Variants in FHIT observed in about 807,000 individuals in gnomAD.
The protein encoded by FHIT is bis(5'-adenosyl)-triphosphatase.
In FHIT, 19 loss-of-function variants were observed where a neutral mutation model predicts 17.9. The observed-to-expected ratio is 1.06, with a 90% CI of 0.74 to 1.56. The LOEUF (loss-of-function observed/expected upper bound fraction) is 1.56. Among genes scored for constraint, FHIT ranks in the 40% most tolerant of loss-of-function variants. The pLI is 0.00. For synonymous variants in FHIT, 81 were observed against 69.7 expected (o/e 1.16, Z -0.81); for missense variants, 248 against 189.2 (o/e 1.31, Z -1.82).
chr3:61,234,920 C>T (rs923009744), intron 1 of FHIT, among the ~76,000 whole-genome samples: 1 of 152,154 alleles, frequency 6.6e-6, no homozygotes, highest in African/African-American at 2.4e-5. Context: ...AATAAATTTG[C>T]ATTGTATAAA....
chr3:60,004,877 T>C (rs1041994678), intron 7 of FHIT, among the ~76,000 whole-genome samples: 2 of 152,226 alleles, frequency 1.3e-5, no homozygotes, highest in African/African-American at 2.4e-5. Context: ...GACTTTACTA[T>C]GTGCCAGGCA....
intron 5 of FHIT, among the ~76,000 whole-genome samples, chr3:60,090,799 G>A (rs1197203101): frequency 1.3e-5 from 2 of 152,302 alleles, no homozygotes; most frequent in South Asian, 2.1e-4. Context: ...GGAGACAAGT[G>A]TTACTACTTC....
chr3:61,121,408 T>C (rs569374475), intron 2 of FHIT, among the ~76,000 whole-genome samples: 1 of 152,294 alleles, frequency 6.6e-6, no homozygotes, highest in East Asian at 1.9e-4. Flanking sequence ...GCAGAAACCC[T>C]ACAAGCCAGA....
At chr3:60,936,995 A>G (rs531268980) in intron 3 of FHIT, among the ~76,000 whole-genome samples, 1 of 58,980 alleles carries the variant, frequency 1.7e-5, no homozygotes, top group South Asian at 1.3e-3. Context: ...TGTAATCAAC[A>G]CTTTGTGAGC....
intron 2 of FHIT, among the ~76,000 whole-genome samples, chr3:61,043,178 G>A (rs973364050): frequency 1.1e-4 from 17 of 152,284 alleles, no homozygotes; most frequent in African/African-American, 4.1e-4. Flanking sequence ...GGCAGTGCAA[G>A]GGGTCAGGGA....
At chr3:60,083,697 T>G (rs976605676) in intron 5 of FHIT, among the ~76,000 whole-genome samples, 2 of 152,204 alleles carry the variant, frequency 1.3e-5, no homozygotes, top group Admixed American at 6.5e-5. Context: ...CTTTTCAGTA[T>G]GTATGGCCTC....
At chr3:60,276,624 C>A (rs941494502) in intron 5 of FHIT, among the ~76,000 whole-genome samples, 4 of 152,256 alleles carry the variant, frequency 2.6e-5, no homozygotes, top group African/African-American at 7.2e-5. Context: ...AGTCTCTTTG[C>A]ATTACTCTAA....
chr3:60,136,716 G>A (rs1399183351), intron 5 of FHIT, among the ~76,000 whole-genome samples: 2 of 152,212 alleles, frequency 1.3e-5, no homozygotes, highest in East Asian at 1.9e-4. Context: ...TGTTAAGACC[G>A]CACATTGCAT....
At chr3:60,196,738 C>T (rs1207405666) in intron 5 of FHIT, among the ~76,000 whole-genome samples, 3 of 151,782 alleles carry the variant, frequency 2.0e-5, no homozygotes, top group African/African-American at 7.3e-5. Flanking sequence ...ATATATTACA[C>T]ATATATACAT....
chr3:60,245,666 C>T (rs1019781567), intron 5 of FHIT, among the ~76,000 whole-genome samples: 6 of 152,000 alleles, frequency 3.9e-5, no homozygotes, highest in African/African-American at 1.4e-4. Flanking sequence ...ATATGATATT[C>T]CCAGCCCTTG....
At chr3:60,397,246 G>A (rs1701481066) in intron 5 of FHIT, among the ~76,000 whole-genome samples, 1 of 152,166 alleles carries the variant, frequency 6.6e-6, no homozygotes, top group Non-Finnish European at 1.5e-5. Context: ...CAGGTTCTTT[G>A]ACCAAAAGAC....
At chr3:60,079,239 A>G (rs1222478082) in intron 5 of FHIT, among the ~76,000 whole-genome samples, 1 of 152,150 alleles carries the variant, frequency 6.6e-6, no homozygotes, top group Non-Finnish European at 1.5e-5. Context: ...GGTGATGTGC[A>G]GGCCGCAGAG....
chr3:60,343,044 T>C (rs73104930), intron 5 of FHIT, among the ~76,000 whole-genome samples: 41 of 152,158 alleles, frequency 2.7e-4, no homozygotes, highest in African/African-American at 9.6e-4. Context: ...TAACAACTGA[T>C]AGTTACACCC....
chr3:59,861,919 T>C (rs1462938660), intron 8 of FHIT, among the ~76,000 whole-genome samples: 4 of 152,168 alleles, frequency 2.6e-5, no homozygotes, highest in Non-Finnish European at 5.9e-5. Context: ...TGTTAAAGTG[T>C]GTGTTTTTTC....
chr3:60,429,089 G>T (rs1416814725), intron 5 of FHIT, among the ~76,000 whole-genome samples: 1 of 151,920 alleles, frequency 6.6e-6, no homozygotes, highest in Non-Finnish European at 1.5e-5. Flanking sequence ...TATCTCTTAG[G>T]AAACTTCGCA....
At chr3:60,241,203 T>C (rs1705112639) in intron 5 of FHIT, among the ~76,000 whole-genome samples, 2 of 152,134 alleles carry the variant, frequency 1.3e-5, no homozygotes, top group Non-Finnish European at 2.9e-5. Flanking sequence ...TCTTCCTAAA[T>C]TCTGTCATAA....
intron 2 of FHIT, among the ~76,000 whole-genome samples, chr3:61,180,097 T>C (rs895613096): frequency 2.0e-4 from 31 of 152,194 alleles, no homozygotes; most frequent in Non-Finnish European, 7.3e-5. Context: ...TACAAACTAT[T>C]GAGCTACTGA....
chr3:60,095,790 C>G (rs1703923776), intron 5 of FHIT, among the ~76,000 whole-genome samples: 1 of 152,162 alleles, frequency 6.6e-6, no homozygotes, highest in African/African-American at 2.4e-5. Context: ...TCTAGTTGGC[C>G]TATCTGGTAC....
At position 59,925,518 on chromosome 3, in the gene FHIT, C is replaced by A. The variant is rs530647704; in HGVS notation, c.280-3104G>T. 4.7e-4 allele frequency among the ~76,000 whole-genome samples: 71 copies of A among 152,230 alleles called. No individual in the cohort carries two copies. The South Asian group carries it at 0.014, about 30-fold the overall frequency. On this transcript the variant is annotated intron_variant, in intron 7 of 9. Coordinates refer to ENST00000492590, the MANE Select transcript of FHIT (RefSeq NM_002012.4). ...TCCACTACTAACATATGGGGGGTTGCGAACCTGCACTTGGGAACCTCCAGG... is the reference window on the plus strand; with the variant it reads ...TCCACTACTAACATATGGGGGGTTGAGAACCTGCACTTGGGAACCTCCAGG...
Sources: gnomAD v4.1 joint callset for allele counts (sites outside exome capture counted in the v4.1 genomes callset) on GRCh38, gnomAD v4.1.1 for gene constraint, MANE v1.5 for transcripts, NCBI Gene and HGNC (gene_info 2026-07-23, HGNC 2026-07-21) for gene names.